ZNF75D: variants seen among roughly 807,000 people sequenced by gnomAD.
ZNF75D encodes zinc finger protein 75.
A neutral mutation model predicts 33.3 loss-of-function variants in ZNF75D; 33 were observed. The observed-to-expected ratio is 0.99, with a 90% CI of 0.75 to 1.32. The LOEUF (loss-of-function observed/expected upper bound fraction) is 1.32. Among genes scored for constraint, ZNF75D ranks in the 40% most tolerant of loss-of-function variants. The pLI is 0.00. For synonymous variants in ZNF75D, 113 were observed against 130.6 expected (o/e 0.87, Z 0.92); for missense variants, 338 against 367.5 (o/e 0.92, Z 0.66).
In ZNF75D at chrX:135,291,769, C is replaced by T. The variant is rs781864235; in HGVS notation, c.605-206G>A. The T allele has an allele frequency of 3.4e-5, 5 of 147,513 alleles. No individual in the cohort carries two copies. The South Asian group carries it at 1.5e-3, about 45-fold the overall frequency. The allele number at this position is 147,513 out of a possible 1,213,427, so 12.2% of individuals were successfully genotyped here. On this transcript the variant is annotated intron_variant, in intron 4 of 6. Coordinates refer to ENST00000370766, the MANE Select transcript of ZNF75D (RefSeq NM_007131.5). ...TACAACCAGTTCCCCAGTTCATGAACTCTTTAGATTTCATAAAAGAAATTA... is the reference window on the plus strand; with the variant it reads ...TACAACCAGTTCCCCAGTTCATGAATTCTTTAGATTTCATAAAAGAAATTA...
In ZNF75D at chrX:135,287,348, C is replaced by T. The variant is rs200077305; in HGVS notation, c.1322G>A (p.Arg441Lys). ...SHNTNLHTHQ[R>K]IHTGEKPFKC... Reference sequence around the variant, plus strand: ...AAAGGGCTTCTCTCCTGTGTGAATTCTTTGGTGTGTGTGTAGATTTGTGTT... The same window carrying T: ...AAAGGGCTTCTCTCCTGTGTGAATTTTTTGGTGTGTGTGTAGATTTGTGTT... Residue 441 changes from arginine to lysine, a missense_variant, in exon 7 of 7, where the codon AGA becomes AAA. By Grantham distance (26) the Arg-to-Lys change is conservative (BLOSUM62 2). Coordinates refer to ENST00000370766, the MANE Select transcript of ZNF75D (RefSeq NM_007131.5). The T allele has an allele frequency of 2.0e-5, 24 of 1,210,589 alleles. No homozygotes were observed. The highest frequency in any genetic ancestry group is 2.6e-5 in the Non-Finnish European group (23 of 895,227).
intron 1 of ZNF75D, among the ~76,000 whole-genome samples, chrX:135,328,614 G>A (rs1405047917): frequency 8.9e-6 from 1 of 111,860 alleles, no homozygotes; most frequent in Non-Finnish European, 1.9e-5. Context: ...CGTATTGCTG[G>A]TGTTGTTATT....
At chrX:135,258,477 G>A (rs1044975283) in intron 1 of ZNF75D, among the ~76,000 whole-genome samples, 4 of 111,026 alleles carry the variant, frequency 3.6e-5, no homozygotes, top group African/African-American at 6.5e-5. Flanking sequence ...ACTTTTTAAC[G>A]ATTGCCATTC....
In ZNF75D at chrX:135,289,282, C is replaced by T. The variant is rs975872870; in HGVS notation, c.824-1436G>A. ...TAAGCCCTTGGGAGTGGGCTTCACCCGCTATTGCAGAGGCATTTTGCATTT... is the reference window on the plus strand; with the variant it reads ...TAAGCCCTTGGGAGTGGGCTTCACCTGCTATTGCAGAGGCATTTTGCATTT... On this transcript the variant is annotated intron_variant, in intron 6 of 6. Coordinates refer to ENST00000370766, the MANE Select transcript of ZNF75D (RefSeq NM_007131.5). 6.2e-5 allele frequency among the ~76,000 whole-genome samples: 7 copies of T among 112,285 alleles called. No homozygotes were observed. In the East Asian group the frequency reaches 1.4e-3, roughly 22 times the overall value.
chrX:135,274,478 T>A (rs1043531518), intron 1 of ZNF75D, among the ~76,000 whole-genome samples: 8 of 111,912 alleles, frequency 7.1e-5, no homozygotes, highest in South Asian at 3.7e-4. Context: ...TGCCTTTTTT[T>A]ATGAAAAATG....
intron 1 of ZNF75D, among the ~76,000 whole-genome samples, chrX:135,303,212 A>T (rs781816214): frequency 9.2e-6 from 1 of 108,978 alleles, no homozygotes; most frequent in East Asian, 2.9e-4. Context: ...CAGGAGACAG[A>T]TGCCTTCCTC....
At chrX:135,277,305 T>A (rs1258883603) in intron 1 of ZNF75D, among the ~76,000 whole-genome samples, 1 of 112,649 alleles carries the variant, frequency 8.9e-6, no homozygotes, top group African/African-American at 3.2e-5. Flanking sequence ...AAGTGTCTGT[T>A]CATATCCTTC....
chrX:135,285,611 G>A (rs1437244478), downstream of ZNF75D, among the ~76,000 whole-genome samples: 2 of 112,648 alleles, frequency 1.8e-5, no homozygotes, highest in Non-Finnish European at 3.7e-5. Flanking sequence ...AACACCAAAT[G>A]TGGCCAATCA....
Position 135,293,730 on chromosome X carries a change from C to T in ZNF75D, c.411G>A (p.Glu137=), listed in dbSNP as rs782347636. 144 of 1,166,776 alleles carry T rather than the reference C, an allele frequency of 1.2e-4. No individual in the cohort carries two copies. The highest frequency in any genetic ancestry group is 1.6e-4 in the Non-Finnish European group (137 of 872,428). The part of the protein sequence containing the change: ...LQREPDGTKN[E]VTAHELGKEA... ...ACATGTAGGCAATCTTTCTTCTTAC[C>T]TCATTCTTTGTTCCATCAGGCTCCC... Residue 137 remains glutamate (E), a splice_region_variant and synonymous_variant, in exon 3 of 7, where the codon GAG becomes GAA. Coordinates refer to ENST00000370766, the MANE Select transcript of ZNF75D (RefSeq NM_007131.5).
chrX:135,320,939 G>C (rs782541462), intron 1 of ZNF75D, among the ~76,000 whole-genome samples: 1 of 111,140 alleles, frequency 9.0e-6, no homozygotes, highest in Non-Finnish European at 1.9e-5. Flanking sequence ...AGCAAGGTTG[G>C]GGGGGGTTAT....
intron 1 of ZNF75D, among the ~76,000 whole-genome samples, chrX:135,311,595 A>G (rs782072677): frequency 8.9e-6 from 1 of 112,271 alleles, no homozygotes; most frequent in South Asian, 3.7e-4. Context: ...CAAGAATACA[A>G]TACAGTTAGT....
chrX:135,298,937 C>T (rs889162415), intron 1 of ZNF75D, among the ~76,000 whole-genome samples: 1 of 112,044 alleles, frequency 8.9e-6, no homozygotes, highest in Admixed American at 9.4e-5. Flanking sequence ...TTTCAAGCTT[C>T]ATCCATATTG....
rs185911621 is a variant in ZNF75D at position 135,337,325 on chromosome X, T to C, written c.-391+4443A>G. On this transcript the variant is annotated intron_variant, in intron 1 of 6. Coordinates refer to ENST00000370766, the MANE Select transcript of ZNF75D (RefSeq NM_007131.5). ...ATTTTATTTGAAAATAAGTGCATTCTTTCTGATTACAAAGCTGGTTTCTTA... is the reference window on the plus strand; with the variant it reads ...ATTTTATTTGAAAATAAGTGCATTCCTTCTGATTACAAAGCTGGTTTCTTA... 2.3e-4 allele frequency among the ~76,000 whole-genome samples: 26 copies of C among 111,833 alleles called. No individual in the cohort carries two copies. In the East Asian group the frequency reaches 6.7e-3, roughly 29 times the overall value.
Position 135,267,806 on chromosome X carries a change from C to CAA in ZNF75D, n.828-12031_828-12030dup, listed in dbSNP as rs371405813. ...ATACCAAAACTAGACAAAGATACAC[C>CAA]AAAAAAAAAAAAAACCTACAGACCA... On this transcript the variant is annotated intron_variant and non_coding_transcript_variant, in intron 1 of 3. Transcript: ENST00000494295. Among the ~76,000 whole-genome samples the CAA allele has an allele frequency of 1.6e-3, 152 of 92,535 alleles. 1 individual carries two copies. Among genetic ancestry groups the CAA allele is most frequent in the African/African-American group, 3.4e-3 (87 of 25,285 alleles). 80.4% of individuals were successfully genotyped at this position (92,535 alleles called of 115,157 possible).
At chrX:135,309,077 C>T (rs2084324407) in intron 1 of ZNF75D, among the ~76,000 whole-genome samples, 1 of 112,086 alleles carries the variant, frequency 8.9e-6, no homozygotes, top group Non-Finnish European at 1.9e-5. Context: ...ATCCCAAGTA[C>T]AGGGAAAACT....
chrX:135,315,376 G>T (rs187840417), intron 1 of ZNF75D, among the ~76,000 whole-genome samples: 1 of 111,953 alleles, frequency 8.9e-6, no homozygotes. Flanking sequence ...CTCTATCCTG[G>T]AGAATGTTCC....
At chrX:135,297,870 G>C (rs1402806806) in intron 1 of ZNF75D, 1 of 112,170 alleles carries the variant, frequency 8.9e-6, no homozygotes, top group African/African-American at 3.2e-5. Context: ...CTGGAAGTCT[G>C]ACATCAGGGT....
intron 1 of ZNF75D, among the ~76,000 whole-genome samples, chrX:135,268,392 G>A (rs984731004): frequency 1.8e-5 from 2 of 108,899 alleles, no homozygotes; most frequent in Admixed American, 9.9e-5. Context: ...TATTAGGACT[G>A]ATAAATTTAT....
chrX:135,264,724 G>C (rs141313217), intron 1 of ZNF75D, among the ~76,000 whole-genome samples: 160 of 111,520 alleles, frequency 1.4e-3, no homozygotes, highest in African/African-American at 5.1e-3. Flanking sequence ...AGAAATTCTA[G>C]AGTTGAAAAA....
Sources: allele counts gnomAD v4.1 joint callset (sites outside exome capture counted in the v4.1 genomes callset), GRCh38; gene constraint gnomAD v4.1.1; transcripts MANE v1.5; gene names NCBI Gene and HGNC (gene_info 2026-07-23, HGNC 2026-07-21).